ESR1: variants seen among roughly 807,000 people sequenced by gnomAD.
ESR1 encodes estrogen receptor.
In ESR1, 12 loss-of-function variants were observed where a neutral mutation model predicts 52.7. The observed-to-expected ratio is 0.23, with a 90% CI of 0.15 to 0.37. The LOEUF is 0.37. Ranked by LOEUF, ESR1 falls within the 10% of genes least tolerant of loss-of-function variation. The pLI is 1.00. For missense variants in ESR1, 584 were observed against 779.7 expected (o/e 0.75, Z 2.99); for synonymous variants, 305 against 316.8 (o/e 0.96, Z 0.39).
intron 3 of ESR1, among the ~76,000 whole-genome samples, chr6:151,930,025 C>T (rs2033355808): frequency 6.6e-6 from 1 of 151,378 alleles, no homozygotes; most frequent in Non-Finnish European, 1.5e-5. Context: ...CTCTTGTTGC[C>T]CAGGCGGGAG....
chr6:151,717,136 C>T (rs752477263), intron 2 of ESR1, among the ~76,000 whole-genome samples: 23 of 152,180 alleles, frequency 1.5e-4, no homozygotes, highest in Non-Finnish European at 2.8e-4. Context: ...TTGGGATTCC[C>T]AGGTGAGGCG....
intron 1 of ESR1, among the ~76,000 whole-genome samples, chr6:151,818,593 C>T (rs1780040897): frequency 6.6e-6 from 1 of 152,098 alleles, no homozygotes; most frequent in South Asian, 2.1e-4. Context: ...GACAGCAGTG[C>T]AGTACTGGTC....
chr6:151,818,306 A>G (rs1779998088), intron 1 of ESR1, among the ~76,000 whole-genome samples: 2 of 152,134 alleles, frequency 1.3e-5, no homozygotes, highest in Non-Finnish European at 2.9e-5. Flanking sequence ...AGAAGTGAAC[A>G]TGGGTCTCCT....
At chr6:151,954,878 G>A (rs1269682199) in intron 4 of ESR1, among the ~76,000 whole-genome samples, 1 of 152,106 alleles carries the variant, frequency 6.6e-6, no homozygotes, top group African/African-American at 2.4e-5. Context: ...TGAAAAATAT[G>A]TTGTCTCTTC....
At chr6:151,679,290 C>T (rs1226854388) in intron 1 of ESR1, among the ~76,000 whole-genome samples, 2 of 152,208 alleles carry the variant, frequency 1.3e-5, no homozygotes, top group African/African-American at 4.8e-5. Flanking sequence ...ACGTGTCCCA[C>T]ATGTGGCCTG....
intron 2 of ESR1, among the ~76,000 whole-genome samples, chr6:151,759,439 G>A (rs193232218): frequency 1.4e-4 from 22 of 151,966 alleles, no homozygotes; most frequent in African/African-American, 4.1e-4. Context: ...TGGGTGCAGC[G>A]CACCAGCATG....
chr6:151,889,143 C>T (rs570151845), intron 3 of ESR1, among the ~76,000 whole-genome samples: 1 of 152,222 alleles, frequency 6.6e-6, no homozygotes, highest in East Asian at 1.9e-4. Context: ...TTGTAATACC[C>T]TTGTCTGGCT....
chr6:152,018,628 C>T (rs1018625393), intron 5 of ESR1, among the ~76,000 whole-genome samples: 3 of 151,934 alleles, frequency 2.0e-5, no homozygotes, highest in African/African-American at 7.3e-5. Flanking sequence ...GTGGGAGGAG[C>T]GGTGAGTGAT....
At position 151,931,287 on chromosome 6, in the gene ESR1, C is replaced by T. The variant is rs116368935; in HGVS notation, c.761-12886C>T. Among the ~76,000 whole-genome samples the T allele has an allele frequency of 8.0e-3, 1,213 of 152,074 alleles. 16 individuals carry two copies. The highest frequency in any genetic ancestry group is 0.028 in the African/African-American group (1,164 of 41,474). Reference sequence around the variant, plus strand: ...TCAGCTCACTGATTATTTCCTTGGCCGTGTTGAATCAATTGATTAGTCCTC... The same window carrying T: ...TCAGCTCACTGATTATTTCCTTGGCTGTGTTGAATCAATTGATTAGTCCTC... On this transcript the variant is annotated intron_variant, in intron 3 of 7. Coordinates refer to ENST00000206249, the MANE Select transcript of ESR1 (RefSeq NM_000125.4).
At chr6:151,859,381 G>A (rs189320132) in intron 2 of ESR1, among the ~76,000 whole-genome samples, 8 of 152,206 alleles carry the variant, frequency 5.3e-5, no homozygotes, top group Admixed American at 3.3e-4. Flanking sequence ...TATTAGTTAA[G>A]GCTTTTAGTT....
At chr6:151,790,542 T>C (rs914088709) in intron 2 of ESR1, among the ~76,000 whole-genome samples, 2 of 151,840 alleles carry the variant, frequency 1.3e-5, no homozygotes, top group Non-Finnish European at 2.9e-5. Flanking sequence ...GTATGCTTGA[T>C]GTGTGAGAGA....
intron 2 of ESR1, among the ~76,000 whole-genome samples, chr6:151,742,794 C>T (rs1362068468): frequency 6.6e-6 from 1 of 151,998 alleles, no homozygotes; most frequent in Non-Finnish European, 1.5e-5. Flanking sequence ...AGAATAGGGT[C>T]GGGGATATAG....
At chr6:151,759,143 T>C (rs993878379) in intron 2 of ESR1, among the ~76,000 whole-genome samples, 1 of 151,234 alleles carries the variant, frequency 6.6e-6, no homozygotes, top group Admixed American at 6.6e-5. Context: ...GGTGTGGTGG[T>C]GCGTGCCTGT....
intron 4 of ESR1, among the ~76,000 whole-genome samples, chr6:151,955,720 T>A (rs1190397053): frequency 2.6e-5 from 4 of 152,154 alleles, no homozygotes; most frequent in African/African-American, 9.7e-5. Context: ...AACTGTTATT[T>A]AAAAAAAGTA....
chr6:151,815,677 G>C (rs1779506880), intron 1 of ESR1, among the ~76,000 whole-genome samples: 1 of 152,214 alleles, frequency 6.6e-6, no homozygotes, highest in Non-Finnish European at 1.5e-5. Flanking sequence ...CATGGATTCT[G>C]TATTTGCAAA....
At chr6:151,786,163 C>T (rs1249023496) in intron 2 of ESR1, among the ~76,000 whole-genome samples, 4 of 152,178 alleles carry the variant, frequency 2.6e-5, no homozygotes, top group African/African-American at 9.6e-5. Context: ...ATAATTTTAA[C>T]ATTAAAGTCA....
chr6:151,896,702 GT>G (rs1795566188), intron 3 of ESR1, among the ~76,000 whole-genome samples: 1 of 150,572 alleles, frequency 6.6e-6, no homozygotes, highest in Non-Finnish European at 1.5e-5. Context: ...TCTGATCTTG[GT>G]ATTTTCTTTC....
intron 2 of ESR1, among the ~76,000 whole-genome samples, chr6:151,794,301 G>A (rs972486826): frequency 2.6e-5 from 4 of 152,000 alleles, no homozygotes; most frequent in Admixed American, 2.0e-4. Context: ...TGTATTTATC[G>A]ATGACATAAA....
chr6:152,124,587 TATAA>T (rs1481472787), intron 6 of ESR1, among the ~76,000 whole-genome samples: 2 of 152,194 alleles, frequency 1.3e-5, no homozygotes, highest in African/African-American at 4.8e-5. Context: ...GATTTGTCAG[TATAA>T]ATAATCTCCC....
Sources: allele counts gnomAD v4.1 joint callset (sites outside exome capture counted in the v4.1 genomes callset), GRCh38; gene constraint gnomAD v4.1.1; transcripts MANE v1.5; gene names NCBI Gene and HGNC (gene_info 2026-07-23, HGNC 2026-07-21).